Variants in ACSM5 observed in about 807,000 individuals in gnomAD.
The protein encoded by ACSM5 is acyl-CoA synthetase medium chain family member 5, also known as acyl-coenzyme A synthetase ACSM5, mitochondrial.
In ACSM5, 56 loss-of-function variants were observed where a neutral mutation model predicts 71.6. The observed-to-expected ratio is 0.78, with a 90% CI of 0.63 to 0.98. The LOEUF is 0.98. Ranked by LOEUF, ACSM5 falls within the 50% of genes least tolerant of loss-of-function variation. The pLI is 0.00. For synonymous variants in ACSM5, 285 were observed against 281.5 expected (o/e 1.01, Z -0.12); for missense variants, 723 against 726.0 (o/e 1.00, Z 0.05).
rs7200130 is a variant in ACSM5, at chr16:20,438,242, A to G, written c.1536+875A>G. On this transcript the variant is annotated intron_variant, in intron 12 of 13. Transcript: ENST00000331849. ...ATCCAACATAATCCTAAAGCACAAC[A>G]GTTACCTTTTGAAAGTTAGTGCAAC... Among the ~76,000 whole-genome samples, 876 of 151,852 alleles carry G rather than the reference A, an allele frequency of 5.8e-3. 16 individuals carry two copies. Among genetic ancestry groups the G allele is most frequent in the African/African-American group, 0.019 (785 of 41,490 alleles).
In ACSM5 at chr16:20,429,588, C is replaced by G. The variant is rs1596620296; in HGVS notation, c.1002-90C>G. ...AGCAGGGGCATCTACCCTCTAGTGC[C>G]TGTGGTGTTTGCATCTGGGCAGTGG... On this transcript the variant is annotated intron_variant, in intron 7 of 13. Coordinates refer to ENST00000331849, the MANE Select transcript of ACSM5 (RefSeq NM_017888.3). 4.5e-6 allele frequency: 7 copies of G among 1,568,758 alleles called. No individual in the cohort carries two copies. In the East Asian group the frequency reaches 1.6e-4, roughly 36 times the overall value.
chr16:20,421,279 C>G lies in ACSM5; in HGVS notation c.645C>G (p.Asn215Lys). 1 of 1,604,726 alleles carries G rather than the reference C, an allele frequency of 6.2e-7. No individual in the cohort carries two copies. The highest frequency in any genetic ancestry group is 2.3e-5 in the East Asian group (1 of 44,206). ...ELLREASTEH[N>K]CMRTKSRDPL... ...ACAGGGAGGCTTCTACAGAGCACAA[C>G]TGCATGAGGACAAAGAGTCGAGACC... Residue 215 changes from asparagine (N) to lysine (K), a missense_variant, in exon 5 of 14, where the codon AAC (asparagine) becomes AAG (lysine). Coordinates refer to ENST00000331849, the MANE Select transcript of ACSM5 (RefSeq NM_017888.3).
At chr16:20,425,532 G>A (rs1347603773) in intron 6 of ACSM5, among the ~76,000 whole-genome samples, 1 of 152,094 alleles carries the variant, frequency 6.6e-6, no homozygotes, top group African/African-American at 2.4e-5. Flanking sequence ...CCCATCACCT[G>A]AGCAGTATAC....
intron 12 of ACSM5, among the ~76,000 whole-genome samples, chr16:20,438,740 G>A (rs1452301986): frequency 6.6e-6 from 1 of 151,056 alleles, no homozygotes; most frequent in Non-Finnish European, 1.5e-5. Context: ...TGGATCACGA[G>A]GTCAGGAGAT....
intron 8 of ACSM5, 82 bp downstream of exon 8, chr16:20,429,883 C>T (rs528313270): frequency 2.8e-4 from 431 of 1,532,462 alleles, no homozygotes; most frequent in Non-Finnish European, 3.3e-4. Context: ...CTCCCTGAAG[C>T]TTCTCAGGGA....
chr16:20,411,409 A>G, intron 1 of ACSM5, 61 bp from the exon 2 acceptor site: 1 of 1,407,536 alleles, frequency 7.1e-7, no homozygotes, highest in Admixed American at 1.9e-5. Flanking sequence ...CTCCTAACCT[A>G]TGTGTTGTCC....
chr16:20,435,111 C>T (rs1412148622), intron 10 of ACSM5, among the ~76,000 whole-genome samples: 2 of 152,194 alleles, frequency 1.3e-5, no homozygotes, highest in Non-Finnish European at 1.5e-5. Flanking sequence ...TGGCTCACTG[C>T]AGCCTCCGCC....
Position 20,422,199 on chromosome 16 carries a change from C to T in ACSM5, c.767+798C>T, listed in dbSNP as rs184447446. Among the ~76,000 whole-genome samples the T allele has an allele frequency of 2.0e-5, 3 of 152,206 alleles. No homozygotes were observed. In the East Asian group the frequency reaches 5.8e-4, roughly 29 times the overall value. On this transcript the variant is annotated intron_variant, in intron 5 of 13. Coordinates refer to ENST00000331849, the MANE Select transcript of ACSM5 (RefSeq NM_017888.3). ...CGATCTCCACTCACTGCAACCTCTG[C>T]CTTCCAGTTTCAAGCAATTCTCCTG...
In ACSM5 at chr16:20,421,327, C is replaced by T. The variant is rs1011262872; in HGVS notation, c.693C>T (p.Ser231=). Residue 231 remains serine, a synonymous_variant, in exon 5 of 14, where the codon AGC becomes AGT. Transcript: ENST00000331849. ...SRDPLAIYFT[S]GTTGAPKMVE... is the part of the protein sequence containing the mutation. ...ACCCGCTGGCCATCTACTTTACCAG[C>T]GGAACCACCGGGGCCCCCAAGATGG... 1.6e-5 allele frequency: 26 copies of T among 1,609,728 alleles called. No homozygotes were observed. The highest frequency in any genetic ancestry group is 4.5e-5 in the East Asian group (2 of 44,552).
chr16:20,421,433 A>G (rs1298948253), intron 5 of ACSM5, 32 bp downstream of exon 5: 1 of 1,535,746 alleles, frequency 6.5e-7, no homozygotes, highest in South Asian at 1.2e-5. Context: ...AGGATCCAAG[A>G]ACAGAAAGTG....
Position 20,419,251 on chromosome 16 carries a change from A to C in ACSM5, c.439A>C (p.Thr147Pro). The C allele has an allele frequency of 6.2e-7, 1 of 1,613,938 alleles. No homozygotes were observed. The highest frequency in any genetic ancestry group is 1.6e-4 in the Middle Eastern group (1 of 6,062). Residue 147 changes from threonine to proline, a missense_variant, in exon 4 of 14, where the codon ACT (threonine) becomes CCT (proline). Physicochemically the swap from Thr to Pro is conservative, Grantham distance 38 (BLOSUM62 -1). Transcript: ENST00000331849. ...RTGTVMIPGV[T>P]QLTEKDLKYR... ...AGGGACTGTGATGATTCCGGGTGTG[A>C]CTCAGCTGACAGAGAAGGACCTCAA...
chr16:20,413,697 C>T (rs879665201), intron 2 of ACSM5, among the ~76,000 whole-genome samples: 9 of 152,148 alleles, frequency 5.9e-5, no homozygotes, highest in African/African-American at 9.7e-5. Flanking sequence ...TGTGTGCTTT[C>T]CTAGGGCTTT....
chr16:20,434,453 G>A (rs1254849279), intron 10 of ACSM5, among the ~76,000 whole-genome samples: 1 of 152,110 alleles, frequency 6.6e-6, no homozygotes, highest in African/African-American at 2.4e-5. Flanking sequence ...TAGCACTTTG[G>A]GAGGCCAAGG....
chr16:20,411,427 C>T, intron 1 of ACSM5, 43 bp from the exon 2 acceptor site: 1 of 1,566,898 alleles, frequency 6.4e-7, no homozygotes, highest in Admixed American at 1.8e-5. Context: ...TCCCCAAAGC[C>T]CAGAATTTAT....
rs1318298209 is a variant in ACSM5, at chr16:20,431,049, G to A, written c.1182G>A (p.Lys394=). The change falls in exon 9 of 14, where the codon AAG becomes AAA. Residue 394 remains lysine (K), a synonymous_variant. Coordinates refer to ENST00000331849, the MANE Select transcript of ACSM5 (RefSeq NM_017888.3). ...AAATCAAGTCTGGATCCATGGGGAA[G>A]GCGTCCCCACCCTACGATGTGCAGG... ...GMKIKSGSMG[K]ASPPYDVQIV... The A allele has an allele frequency of 8.7e-6, 14 of 1,613,818 alleles. No individual in the cohort carries two copies. The Admixed American group carries it at 2.2e-4, about 25-fold the overall frequency.
intron 10 of ACSM5, among the ~76,000 whole-genome samples, chr16:20,435,550 T>C (rs1461466926): frequency 6.6e-6 from 1 of 152,188 alleles, no homozygotes; most frequent in Non-Finnish European, 1.5e-5. Context: ...TTTTAACACA[T>C]GTCCGCCCCT....
At position 20,433,077 on chromosome 16, in the gene ACSM5, G is replaced by T. The variant is rs562936375; in HGVS notation, c.1308+1756G>T. Among the ~76,000 whole-genome samples the T allele has an allele frequency of 7.4e-4, 113 of 152,042 alleles. 1 individual carries two copies. The highest frequency in any genetic ancestry group is 2.4e-3 in the African/African-American group (101 of 41,496). On this transcript the variant is annotated intron_variant, in intron 10 of 13. Transcript: ENST00000331849. ...TTTGCCACCTTGGCCAGACTGGTCTGGAATTTCTGGCCTCAAGTGATCTGC... is the reference window on the plus strand; with the variant it reads ...TTTGCCACCTTGGCCAGACTGGTCTTGAATTTCTGGCCTCAAGTGATCTGC...
chr16:20,427,903 G>A (rs1483276532), intron 7 of ACSM5, 36 bp downstream of exon 7: 1 of 1,470,684 alleles, frequency 6.8e-7, no homozygotes, highest in Admixed American at 1.7e-5. Context: ...GAGGGCCTAA[G>A]TATGTGAATA....
Position 20,416,007 on chromosome 16 carries a change from A to G in ACSM5, c.205-2052A>G, listed in dbSNP as rs1966855701. ...AATAGCGTCAAAAAGAACGAAATAC[A>G]TATAAATAAATTTAACCAAAGAAGT... On this transcript the variant is annotated intron_variant, in intron 2 of 13. Transcript: ENST00000331849. Among the ~76,000 whole-genome samples the G allele has an allele frequency of 2.0e-5, 3 of 152,236 alleles. No homozygotes were observed. The South Asian group carries it at 6.2e-4, about 32-fold the overall frequency.
Sources: gnomAD v4.1 joint callset for allele counts (sites outside exome capture counted in the v4.1 genomes callset) on GRCh38, gnomAD v4.1.1 for gene constraint, MANE v1.5 for transcripts, NCBI Gene and HGNC (gene_info 2026-07-23, HGNC 2026-07-21) for gene names.